Variants in RIMS2 observed in about 807,000 individuals in gnomAD.
RIMS2 encodes the protein regulating synaptic membrane exocytosis protein 2.
A neutral mutation model predicts 174.4 loss-of-function variants in RIMS2; 59 were observed. The ratio of observed to expected loss-of-function variants is 0.34; its 90% CI spans 0.27 to 0.42. The LOEUF (loss-of-function observed/expected upper bound fraction) is 0.42, where lower values mean the gene tolerates loss of function less well. Among genes scored for constraint, RIMS2 ranks in the 10% least tolerant of loss-of-function variants. The probability of loss-of-function intolerance (pLI) is 1.00; values close to 1 mark genes in which losing one functional copy is unlikely to be tolerated. For missense variants in RIMS2, 1,620 were observed against 1,666.3 expected, an observed-to-expected ratio of 0.97 and a Z score of 0.48; for synonymous variants, 606 against 572.5, an observed-to-expected ratio of 1.06 and a Z score of -0.84.
intron 3 of RIMS2, among the ~76,000 whole-genome samples, chr8:103,807,405 T>A (rs1413731862): frequency 2.6e-5 from 4 of 152,108 alleles, no homozygotes; most frequent in Non-Finnish European, 4.4e-5. Context: ...CAATAGAACA[T>A]TAGTGCTAGA....
At chr8:103,708,084 A>G (rs915568898) in intron 2 of RIMS2, among the ~76,000 whole-genome samples, 8 of 152,348 alleles carry the variant, frequency 5.3e-5, no homozygotes, top group Admixed American at 4.6e-4. Flanking sequence ...GGATACCACC[A>G]GAAGGTTTCA....
chr8:104,207,589 T>G (rs6989523), intron 19 of RIMS2, among the ~76,000 whole-genome samples: 17,592 of 151,970 alleles, frequency 0.12, 1,460 homozygotes, highest in African/African-American at 0.23. Flanking sequence ...GTGGATCACC[T>G]GAGGTCAGGA....
intron 15 of RIMS2, among the ~76,000 whole-genome samples, chr8:103,971,340 A>G (rs1401760920): frequency 1.3e-5 from 2 of 151,996 alleles, no homozygotes; most frequent in Non-Finnish European, 1.5e-5. Flanking sequence ...GTATCTCTTA[A>G]ACTCAATAAT....
intron 1 of RIMS2, among the ~76,000 whole-genome samples, chr8:103,565,873 T>C (rs767780648): frequency 4.6e-5 from 7 of 152,168 alleles, no homozygotes; most frequent in Non-Finnish European, 1.0e-4. Flanking sequence ...AAGTATTTTT[T>C]GTCAAGTGAA....
intron 19 of RIMS2, among the ~76,000 whole-genome samples, chr8:104,132,971 G>A (rs894907034): frequency 2.0e-5 from 3 of 152,146 alleles, no homozygotes; most frequent in Admixed American, 2.0e-4. Flanking sequence ...AGCCCTCCAG[G>A]TAATTCTGAT....
intron 3 of RIMS2, among the ~76,000 whole-genome samples, chr8:103,855,950 G>A (rs1462548714): frequency 6.6e-6 from 1 of 152,012 alleles, no homozygotes; most frequent in Admixed American, 6.6e-5. Context: ...TACTGTCAGT[G>A]GGGTGTAGAA....
At chr8:103,540,367 G>A (rs188720578) in intron 1 of RIMS2, among the ~76,000 whole-genome samples, 74 of 152,336 alleles carry the variant, frequency 4.9e-4, no homozygotes, top group Non-Finnish European at 2.4e-4. Context: ...CATCCACAAT[G>A]TTGGCCGCTG....
At chr8:103,753,842 G>A (rs921419881) in intron 2 of RIMS2, among the ~76,000 whole-genome samples, 1 of 152,084 alleles carries the variant, frequency 6.6e-6, no homozygotes, top group Non-Finnish European at 1.5e-5. Flanking sequence ...AGTCTTGCTA[G>A]TGGTCTATCA....
intron 11 of RIMS2, among the ~76,000 whole-genome samples, chr8:103,930,851 T>C (rs991143555): frequency 6.6e-5 from 10 of 152,174 alleles, no homozygotes; most frequent in African/African-American, 2.4e-4. Context: ...ATGAATGTTA[T>C]ATAAACAGGA....
In RIMS2 at chr8:103,782,392, A is replaced by AT. The variant is rs199809019; in HGVS notation, c.698+15862dup. ...TGATGAACAGTTAGATTATTACAACATTTTTTTGCTATTACAAATGCTATC... is the reference window on the plus strand; with the variant it reads ...TGATGAACAGTTAGATTATTACAACATTTTTTTTGCTATTACAAATGCTATC... On this transcript the variant is annotated intron_variant, in intron 3 of 23. Coordinates refer to ENST00000504942, the Ensembl canonical transcript of RIMS2. Among the ~76,000 whole-genome samples the AT allele has an allele frequency of 7.4e-3, 1,124 of 151,280 alleles. 17 individuals carry two copies. The highest frequency in any genetic ancestry group is 7.3e-3 in the Non-Finnish European group (497 of 67,868).
At chr8:103,614,061 G>A (rs2095448861) in intron 1 of RIMS2, among the ~76,000 whole-genome samples, 1 of 152,224 alleles carries the variant, frequency 6.6e-6, no homozygotes, top group African/African-American at 2.4e-5. Flanking sequence ...TAGGTCACAT[G>A]CCTCCTTAGT....
intron 14 of RIMS2, among the ~76,000 whole-genome samples, chr8:103,947,011 G>C (rs996363355): frequency 1.3e-5 from 2 of 152,026 alleles, no homozygotes; most frequent in Non-Finnish European, 2.9e-5. Context: ...TGTTGTTGTT[G>C]TCTTTTTACT....
chr8:103,922,658 A>G (rs1395565226), intron 10 of RIMS2: 1 of 401,458 alleles, frequency 2.5e-6, no homozygotes, highest in Non-Finnish European at 5.0e-6. Flanking sequence ...GTTAAAAACT[A>G]AATTATTTGA....
chr8:104,022,880 A>G (rs1597293604), intron 19 of RIMS2, among the ~76,000 whole-genome samples: 1 of 152,226 alleles, frequency 6.6e-6, no homozygotes, highest in Non-Finnish European at 1.5e-5. Flanking sequence ...AACATATGAT[A>G]TAGTTGAACC....
At chr8:103,567,760 T>C (rs928222513) in intron 1 of RIMS2, among the ~76,000 whole-genome samples, 3 of 152,200 alleles carry the variant, frequency 2.0e-5, no homozygotes, top group African/African-American at 4.8e-5. Context: ...AGGGTTGCAC[T>C]ATTTTACATT....
At chr8:104,050,255 C>T (rs1291690574) in intron 19 of RIMS2, among the ~76,000 whole-genome samples, 2 of 152,062 alleles carry the variant, frequency 1.3e-5, no homozygotes, top group Non-Finnish European at 1.5e-5. Flanking sequence ...ATATACGTAT[C>T]AGGCCTTATT....
At chr8:104,083,905 T>C (rs575146484) in intron 19 of RIMS2, among the ~76,000 whole-genome samples, 1 of 152,172 alleles carries the variant, frequency 6.6e-6, no homozygotes, top group Non-Finnish European at 1.5e-5. Context: ...TGAAAAAATA[T>C]TTACTTTTTG....
At chr8:103,643,196 G>T (rs189894474) in intron 1 of RIMS2, among the ~76,000 whole-genome samples, 1 of 151,852 alleles carries the variant, frequency 6.6e-6, no homozygotes, top group Non-Finnish European at 1.5e-5. Flanking sequence ...CTCTGTTGAT[G>T]AGTCTGTCAA....
At chr8:103,730,471 G>C (rs376379330) in intron 2 of RIMS2, among the ~76,000 whole-genome samples, 10 of 152,038 alleles carry the variant, frequency 6.6e-5, no homozygotes, top group African/African-American at 2.4e-4. Context: ...TAGCTAACTT[G>C]TACACTTTAA....
Sources: gnomAD v4.1 joint callset for allele counts (sites outside exome capture counted in the v4.1 genomes callset) on GRCh38, gnomAD v4.1.1 for gene constraint, MANE v1.5 for transcripts, NCBI Gene and HGNC (gene_info 2026-07-23, HGNC 2026-07-21) for gene names.